NTNG1: variants seen among roughly 807,000 people sequenced by gnomAD.
NTNG1 encodes netrin G1.
Under a neutral mutation model 54.0 loss-of-function variants are expected in NTNG1, and 16 were observed. That is an observed-to-expected ratio of 0.30 (90% CI 0.20 to 0.45). The LOEUF is 0.45. NTNG1 is among the 20% of genes least tolerant of loss of function. The probability of loss-of-function intolerance (pLI) is 1.00; values close to 1 mark genes in which losing one functional copy is unlikely to be tolerated. For synonymous variants in NTNG1, 255 were observed against 263.1 expected (o/e 0.97, Z 0.30); for missense variants, 530 against 678.7 (o/e 0.78, Z 2.43).
At position 107,298,381 on chromosome 1, in the gene NTNG1, A is replaced by G. The variant is rs115091825; in HGVS notation, c.247-25901A>G. On this transcript the variant is annotated intron_variant, in intron 2 of 7. Coordinates refer to ENST00000370068, the MANE Select transcript of NTNG1 (RefSeq NM_001113226.3). ...TCTCATCTGCACTATCATAGACCTT[A>G]AGACAACGAAGCAACTCTAGTATTT... Among the ~76,000 whole-genome samples, 1,078 of 152,232 alleles carry G rather than the reference A, an allele frequency of 7.1e-3. 16 individuals carry two copies. Among genetic ancestry groups the G allele is most frequent in the African/African-American group, 0.025 (1,039 of 41,554 alleles).
At chr1:107,294,259 G>C (rs1463841673) in intron 2 of NTNG1, among the ~76,000 whole-genome samples, 1 of 152,174 alleles carries the variant, frequency 6.6e-6, no homozygotes, top group African/African-American at 2.4e-5. Context: ...ATAAGTGCTT[G>C]AATTTTTAAT....
intron 2 of NTNG1, among the ~76,000 whole-genome samples, chr1:107,243,789 A>G (rs1055727637): frequency 6.6e-6 from 1 of 152,016 alleles, no homozygotes; most frequent in African/African-American, 2.4e-5. Context: ...TTTTTTTTCA[A>G]TATATGACTC....
intron 3 of NTNG1, among the ~76,000 whole-genome samples, chr1:107,365,627 G>A (rs1344104362): frequency 6.6e-6 from 1 of 152,136 alleles, no homozygotes; most frequent in Non-Finnish European, 1.5e-5. Flanking sequence ...AGAATAGACA[G>A]TATCTTCAAT....
intron 7 of NTNG1, 89 bp from the exon 8 acceptor site, chr1:107,480,521 GC>G (rs1678620853): frequency 2.5e-6 from 2 of 786,910 alleles, no homozygotes; most frequent in Non-Finnish European, 2.0e-6. Flanking sequence ...TTTTTTTTAG[GC>G]TGAAAACATG....
chr1:107,363,518 T>C (rs1490310097), intron 3 of NTNG1, among the ~76,000 whole-genome samples: 2 of 152,220 alleles, frequency 1.3e-5, no homozygotes, highest in Admixed American at 6.5e-5. Flanking sequence ...TAATAAATGT[T>C]AGTTAAGTAA....
At chr1:107,406,725 A>G (rs920526695) in intron 4 of NTNG1, among the ~76,000 whole-genome samples, 3 of 152,160 alleles carry the variant, frequency 2.0e-5, no homozygotes, top group Non-Finnish European at 4.4e-5. Flanking sequence ...AGTACATACT[A>G]CCTGTCAAGC....
chr1:107,235,925 C>G (rs751347412), intron 2 of NTNG1, among the ~76,000 whole-genome samples: 1 of 152,046 alleles, frequency 6.6e-6, no homozygotes, highest in Non-Finnish European at 1.5e-5. Flanking sequence ...AGAATGCTCC[C>G]CTCTCTCACA....
At chr1:107,299,418 T>C (rs984359670) in intron 2 of NTNG1, among the ~76,000 whole-genome samples, 1 of 152,208 alleles carries the variant, frequency 6.6e-6, no homozygotes, top group Non-Finnish European at 1.5e-5. Flanking sequence ...CATACAGTGG[T>C]ACTTCTCAAA....
chr1:107,322,293 C>T (rs1458960134), intron 2 of NTNG1, among the ~76,000 whole-genome samples: 5 of 152,052 alleles, frequency 3.3e-5, no homozygotes, highest in East Asian at 1.9e-4. Context: ...GATCCCACAG[C>T]GCCTTTCCCC....
At chr1:107,251,429 T>C (rs763307479) in intron 2 of NTNG1, among the ~76,000 whole-genome samples, 3 of 152,188 alleles carry the variant, frequency 2.0e-5, no homozygotes, top group Non-Finnish European at 4.4e-5. Context: ...TAAATTGGAA[T>C]CACCATTCTC....
intron 2 of NTNG1, among the ~76,000 whole-genome samples, chr1:107,301,090 T>G: frequency 6.6e-6 from 1 of 152,106 alleles, no homozygotes; most frequent in East Asian, 1.9e-4. Flanking sequence ...GAAAAAAAAG[T>G]AATGCTGATT....
intron 3 of NTNG1, among the ~76,000 whole-genome samples, chr1:107,361,390 T>TATATATAC (rs1473765013): frequency 1.3e-5 from 1 of 77,206 alleles, no homozygotes; most frequent in African/African-American, 4.3e-5. Context: ...TATATATATA[T>TATATATAC]ATTTTTTTTT....
chr1:107,290,360 G>A (rs1442140575), intron 2 of NTNG1, among the ~76,000 whole-genome samples: 1 of 152,082 alleles, frequency 6.6e-6, no homozygotes, highest in East Asian at 1.9e-4. Context: ...GTGAAACGAA[G>A]TACTAGAAAA....
At chr1:107,232,332 A>C (rs1661126885) in intron 2 of NTNG1, among the ~76,000 whole-genome samples, 1 of 152,192 alleles carries the variant, frequency 6.6e-6, no homozygotes, top group Non-Finnish European at 1.5e-5. Flanking sequence ...CCACAAAATG[A>C]CTGCTTAAAC....
chr1:107,337,867 A>G (rs976210846), intron 3 of NTNG1, among the ~76,000 whole-genome samples: 3 of 152,074 alleles, frequency 2.0e-5, no homozygotes, highest in African/African-American at 4.8e-5. Flanking sequence ...ATGTGAAGCA[A>G]CAGAAAATAA....
intron 2 of NTNG1, among the ~76,000 whole-genome samples, chr1:107,284,819 T>C (rs1450253702): frequency 1.3e-5 from 2 of 152,084 alleles, no homozygotes; most frequent in East Asian, 1.9e-4. Context: ...TAGACTGATA[T>C]TAAAAAGTGA....
chr1:107,260,577 G>A (rs1261211955), intron 2 of NTNG1, among the ~76,000 whole-genome samples: 2 of 152,170 alleles, frequency 1.3e-5, no homozygotes, highest in South Asian at 2.1e-4. Context: ...TTTGGTCAGG[G>A]TCTTCCACAG....
chr1:107,282,627 G>C (rs1165262366), intron 2 of NTNG1, among the ~76,000 whole-genome samples: 5 of 152,006 alleles, frequency 3.3e-5, no homozygotes, highest in Non-Finnish European at 5.9e-5. Flanking sequence ...TGAAGAGAAG[G>C]CCTGCCCACA....
At chr1:107,256,752 G>A (rs972114182) in intron 2 of NTNG1, among the ~76,000 whole-genome samples, 6 of 152,176 alleles carry the variant, frequency 3.9e-5, no homozygotes, top group African/African-American at 1.4e-4. Context: ...CGTTGGGGAA[G>A]GCTTTGGAAG....
Sources: gnomAD v4.1 joint callset for allele counts (sites outside exome capture counted in the v4.1 genomes callset) on GRCh38, gnomAD v4.1.1 for gene constraint, MANE v1.5 for transcripts, NCBI Gene and HGNC (gene_info 2026-07-23, HGNC 2026-07-21) for gene names.